Variants in MACROD2 observed in about 807,000 individuals in gnomAD.
MACROD2 encodes ADP-ribose glycohydrolase MACROD2.
In MACROD2, 36 loss-of-function variants were observed where a neutral mutation model predicts 70.4. That is an observed-to-expected ratio of 0.51 (90% confidence interval 0.39 to 0.68). The LOEUF (loss-of-function observed/expected upper bound fraction) is 0.68. Ranked by LOEUF, MACROD2 falls within the 30% of genes least tolerant of loss-of-function variation. The pLI, the probability that MACROD2 is intolerant of heterozygous loss-of-function variation, is 0.00. For synonymous variants in MACROD2, 172 were observed against 178.8 expected (o/e 0.96, Z 0.30); for missense variants, 496 against 538.4 (o/e 0.92, Z 0.78).
intron 8 of MACROD2, among the ~76,000 whole-genome samples, chr20:15,644,737 T>C (rs1335229485): frequency 6.6e-6 from 1 of 152,216 alleles, no homozygotes; most frequent in Non-Finnish European, 1.5e-5. Context: ...TTGCCTAGGC[T>C]GGAGTACAAT....
intron 3 of MACROD2, among the ~76,000 whole-genome samples, chr20:14,460,178 A>G (rs1600259475): frequency 1.3e-5 from 2 of 152,134 alleles, no homozygotes; most frequent in Admixed American, 6.5e-5. Context: ...TAGTGCTGCA[A>G]TAAACATACG....
At chr20:14,580,981 C>A (rs575028023) in intron 4 of MACROD2, among the ~76,000 whole-genome samples, 79 of 152,294 alleles carry the variant, frequency 5.2e-4, no homozygotes, top group East Asian at 1.5e-3. Flanking sequence ...GCTCACCTGG[C>A]AGTCCACTGT....
chr20:16,043,763 T>G (rs2067339285), intron 16 of MACROD2, among the ~76,000 whole-genome samples: 1 of 152,108 alleles, frequency 6.6e-6, no homozygotes, highest in Non-Finnish European at 1.5e-5. Flanking sequence ...AAATTGAAAG[T>G]ATGGCAAACC....
intron 5 of MACROD2, among the ~76,000 whole-genome samples, chr20:14,822,212 G>A (rs940952171): frequency 1.3e-5 from 2 of 152,012 alleles, no homozygotes; most frequent in African/African-American, 4.8e-5. Flanking sequence ...ATCCTTCAAT[G>A]ATTTTTTAAA....
intron 12 of MACROD2, among the ~76,000 whole-genome samples, chr20:15,953,482 T>C (rs566753547): frequency 6.6e-6 from 1 of 152,216 alleles, no homozygotes; most frequent in Non-Finnish European, 1.5e-5. Context: ...CCTATGAATA[T>C]GAACAATTAT....
intron 4 of MACROD2, among the ~76,000 whole-genome samples, chr20:14,535,462 G>T (rs576747443): frequency 5.7e-5 from 8 of 141,242 alleles, no homozygotes; most frequent in Non-Finnish European, 1.1e-4. Flanking sequence ...CCGAGATGGC[G>T]CCATTGTACT....
Position 15,959,525 on chromosome 20 carries a change from TTTTG to T in MACROD2, c.908-8012_908-8009del, listed in dbSNP as rs200833777. 2.1e-3 allele frequency among the ~76,000 whole-genome samples: 326 copies of T among 152,260 alleles called. 1 individual carries two copies. Among genetic ancestry groups the T allele is most frequent in the African/African-American group, 7.4e-3 (308 of 41,552 alleles). On this transcript the variant is annotated intron_variant, in intron 12 of 17. Transcript: ENST00000684519. ...CAAACTTCTTAAAGTAATATTTGTT[TTTTG>T]TTTGTTTGTTTGTTTTTGAGACAGA...
chr20:15,833,720 G>C (rs550610853), intron 8 of MACROD2, among the ~76,000 whole-genome samples: 17 of 152,236 alleles, frequency 1.1e-4, no homozygotes, highest in African/African-American at 3.9e-4. Context: ...TTACCAAGCA[G>C]GACTGACTCA....
At chr20:14,452,874 T>C (rs2084260027) in intron 3 of MACROD2, among the ~76,000 whole-genome samples, 1 of 152,196 alleles carries the variant, frequency 6.6e-6, no homozygotes, top group African/African-American at 2.4e-5. Context: ...ATCTTACATC[T>C]TGAGGTTTTC....
chr20:14,154,729 A>G (rs1034574472), intron 3 of MACROD2, among the ~76,000 whole-genome samples: 2 of 151,794 alleles, frequency 1.3e-5, no homozygotes, highest in African/African-American at 4.8e-5. Flanking sequence ...ACCTTTTTAA[A>G]TTTTATCAGT....
intron 6 of MACROD2, among the ~76,000 whole-genome samples, chr20:15,246,796 G>A (rs917414251): frequency 1.3e-5 from 2 of 152,116 alleles, no homozygotes; most frequent in Admixed American, 1.3e-4. Context: ...ATTATTAATA[G>A]CAATAGCCCT....
At chr20:14,068,571 A>G (rs1002397453) in intron 2 of MACROD2, among the ~76,000 whole-genome samples, 4 of 152,232 alleles carry the variant, frequency 2.6e-5, no homozygotes, top group African/African-American at 9.6e-5. Flanking sequence ...AGTAACATTC[A>G]TAGGAAGTTT....
chr20:15,363,139 C>T (rs2078372440), intron 6 of MACROD2, among the ~76,000 whole-genome samples: 1 of 152,190 alleles, frequency 6.6e-6, no homozygotes, highest in Admixed American at 6.5e-5. Flanking sequence ...GCTACCACCT[C>T]CCACTTCCTT....
At chr20:14,514,739 A>G (rs771006033) in intron 4 of MACROD2, among the ~76,000 whole-genome samples, 2 of 152,088 alleles carry the variant, frequency 1.3e-5, no homozygotes, top group Non-Finnish European at 2.9e-5. Context: ...ATACCTTGTG[A>G]ATGAGAGAAG....
intron 5 of MACROD2, among the ~76,000 whole-genome samples, chr20:15,019,614 G>A (rs542251656): frequency 1.9e-4 from 29 of 152,016 alleles, no homozygotes; most frequent in African/African-American, 6.3e-4. Context: ...AAACCTTTTC[G>A]TTACTTCATA....
At chr20:14,350,049 A>G (rs1217556019) in intron 3 of MACROD2, among the ~76,000 whole-genome samples, 3 of 151,754 alleles carry the variant, frequency 2.0e-5, no homozygotes, top group African/African-American at 4.8e-5. Flanking sequence ...GTGCCTGGCC[A>G]TCTTATTCTT....
At chr20:15,305,764 A>C (rs2077691986) in intron 6 of MACROD2, among the ~76,000 whole-genome samples, 3 of 136,724 alleles carry the variant, frequency 2.2e-5, no homozygotes, top group African/African-American at 7.4e-5. Flanking sequence ...AAATAACCAA[A>C]TAAACAACTA....
intron 2 of MACROD2, among the ~76,000 whole-genome samples, chr20:14,080,300 G>A (rs1247736211): frequency 1.3e-5 from 2 of 151,718 alleles, no homozygotes; most frequent in Admixed American, 6.6e-5. Flanking sequence ...AAAATTAGCC[G>A]GGTGTGGTGG....
intron 10 of MACROD2, among the ~76,000 whole-genome samples, chr20:15,920,784 C>T (rs777834272): frequency 1.3e-5 from 2 of 152,196 alleles, no homozygotes; most frequent in African/African-American, 2.4e-5. Context: ...ACTAGAACAA[C>T]ATTTCTCCAC....
Sources: gnomAD v4.1 joint callset for allele counts (sites outside exome capture counted in the v4.1 genomes callset) on GRCh38, gnomAD v4.1.1 for gene constraint, MANE v1.5 for transcripts, NCBI Gene and HGNC (gene_info 2026-07-23, HGNC 2026-07-21) for gene names.